The following TRDN variants were observed in gnomAD, a reference collection of about 807,000 sequenced individuals.
TRDN encodes the protein triadin.
Under a neutral mutation model 149.7 loss-of-function variants are expected in TRDN, and 161 were observed. The ratio of observed to expected loss-of-function variants is 1.08; its 90% CI spans 0.95 to 1.23. TRDN has a LOEUF of 1.23. TRDN is among the 50% of genes most tolerant of loss of function. TRDN has a pLI of 0.00. For missense variants in TRDN, 896 were observed against 823.5 expected (o/e 1.09, Z -1.08); for synonymous variants, 294 against 250.5 (o/e 1.17, Z -1.64).
intron 8 of TRDN, chr6:123,498,787 G>A (rs1778559050): frequency 5.7e-6 from 2 of 350,190 alleles, no homozygotes; most frequent in South Asian, 2.3e-5. Flanking sequence ...TCCCTTAAAT[G>A]AAAAGTTTGA....
At chr6:123,364,768 C>T (rs1189543401) in intron 20 of TRDN, among the ~76,000 whole-genome samples, 2 of 152,170 alleles carry the variant, frequency 1.3e-5, no homozygotes, top group African/African-American at 4.8e-5. Context: ...CACTTTTGTC[C>T]TTTCAACATA....
At chr6:123,598,963 G>A (rs570653979) in intron 1 of TRDN, among the ~76,000 whole-genome samples, 1 of 152,212 alleles carries the variant, frequency 6.6e-6, no homozygotes, top group African/African-American at 2.4e-5. Flanking sequence ...ATGGGACAGT[G>A]CTGGGTTTGA....
At chr6:123,224,071 G>C (rs753258180) in intron 39 of TRDN, 22 bp downstream of exon 39, 4 of 1,595,550 alleles carry the variant, frequency 2.5e-6, no homozygotes, top group South Asian at 1.1e-5. Context: ...ACTTGTAAAT[G>C]ATCCAAAGAC....
chr6:123,476,932 C>T (rs1464652450), intron 9 of TRDN, among the ~76,000 whole-genome samples: 78 of 148,304 alleles, frequency 5.3e-4, no homozygotes, highest in African/African-American at 1.5e-3. Context: ...AAGACTTAAA[C>T]GTTAGACCTA....
chr6:123,571,840 T>C (rs1782596685), intron 1 of TRDN, among the ~76,000 whole-genome samples: 1 of 152,144 alleles, frequency 6.6e-6, no homozygotes. Flanking sequence ...CCATTCTGTA[T>C]TTCTCAAAAT....
intron 23 of TRDN, among the ~76,000 whole-genome samples, chr6:123,319,407 A>G (rs563886502): frequency 3.7e-4 from 57 of 152,122 alleles, no homozygotes; most frequent in African/African-American, 1.3e-3. Flanking sequence ...TTTTTGAGCC[A>G]TATGAGATTA....
At chr6:123,373,263 G>C (rs932084900) in intron 19 of TRDN, among the ~76,000 whole-genome samples, 4 of 152,100 alleles carry the variant, frequency 2.6e-5, no homozygotes, top group Admixed American at 2.0e-4. Context: ...TCTCACAAGA[G>C]CTGATGGTTT....
chr6:123,614,290 AAAAAAAAAAC>A (rs1332204477), intron 1 of TRDN, among the ~76,000 whole-genome samples: 1 of 127,604 alleles, frequency 7.8e-6, no homozygotes, highest in Non-Finnish European at 1.5e-5. Flanking sequence ...TGCTTCATTA[AAAAAAAAAAC>A]AAAAAAAAAA....
chr6:123,407,163 CTG>C (rs1773228102), intron 12 of TRDN, among the ~76,000 whole-genome samples: 1 of 152,182 alleles, frequency 6.6e-6, no homozygotes, highest in South Asian at 2.1e-4. Context: ...GCTATAGTGT[CTG>C]TTCCTGATTT....
chr6:123,547,288 C>A (rs1781157447), intron 4 of TRDN, 52 bp downstream of exon 4: 2 of 1,136,828 alleles, frequency 1.8e-6, no homozygotes, highest in Non-Finnish European at 1.2e-6. Flanking sequence ...TGCTGAAAAC[C>A]AATATTACCA....
intron 16 of TRDN, among the ~76,000 whole-genome samples, chr6:123,379,417 A>G (rs1190905946): frequency 6.6e-6 from 1 of 152,214 alleles, no homozygotes. Flanking sequence ...CAAAATGAGA[A>G]CATTATCAAA....
intron 4 of TRDN, among the ~76,000 whole-genome samples, chr6:123,535,106 C>T (rs746781274): frequency 9.9e-5 from 15 of 152,054 alleles, no homozygotes; most frequent in Non-Finnish European, 1.8e-4. Flanking sequence ...TGTGAGTCTG[C>T]CCATAAATTC....
intron 12 of TRDN, among the ~76,000 whole-genome samples, chr6:123,422,035 A>T (rs1433518616): frequency 1.3e-5 from 2 of 152,178 alleles, no homozygotes; most frequent in Non-Finnish European, 2.9e-5. Context: ...TACATAAATT[A>T]AAAACCAATA....
intron 13 of TRDN, among the ~76,000 whole-genome samples, chr6:123,389,006 T>C (rs764949754): frequency 1.4e-4 from 21 of 152,144 alleles, no homozygotes; most frequent in Admixed American, 5.9e-4. Flanking sequence ...ATAATAACCA[T>C]GTATAAAATG....
chr6:123,554,313 T>G (rs892783531), intron 2 of TRDN, among the ~76,000 whole-genome samples: 2 of 152,184 alleles, frequency 1.3e-5, no homozygotes, highest in Non-Finnish European at 2.9e-5. Flanking sequence ...ATTTCTCTTT[T>G]ACAACAATTA....
At chr6:123,233,844 C>T (rs902311410) in intron 38 of TRDN, among the ~76,000 whole-genome samples, 3 of 151,960 alleles carry the variant, frequency 2.0e-5, no homozygotes, top group Non-Finnish European at 4.4e-5. Flanking sequence ...CATTTTGACA[C>T]AAAAGTTTAA....
intron 39 of TRDN, among the ~76,000 whole-genome samples, chr6:123,223,672 T>TCTTC (rs59071931): frequency 0.32 from 33,439 of 105,478 alleles, 6,399 homozygotes; most frequent in Non-Finnish European, 0.38. Flanking sequence ...GCCTTCCATT[T>TCTTC]CTTCCTTCCT....
intron 1 of TRDN, among the ~76,000 whole-genome samples, chr6:123,608,152 T>C (rs1033101760): frequency 6.6e-6 from 1 of 152,192 alleles, no homozygotes; most frequent in Non-Finnish European, 1.5e-5. Context: ...ATATATCATA[T>C]ATGAACTCAG....
At chr6:123,543,400 A>G (rs1456718011) in intron 4 of TRDN, among the ~76,000 whole-genome samples, 2 of 152,192 alleles carry the variant, frequency 1.3e-5, no homozygotes, top group Non-Finnish European at 2.9e-5. Flanking sequence ...ATTGAAAAAA[A>G]TACATTTGTT....
Sources: allele counts gnomAD v4.1 joint callset (sites outside exome capture counted in the v4.1 genomes callset), GRCh38; gene constraint gnomAD v4.1.1; transcripts MANE v1.5; gene names NCBI Gene and HGNC (gene_info 2026-07-23, HGNC 2026-07-21).